Variants in FKBP1A observed in about 807,000 individuals in gnomAD.
The protein encoded by FKBP1A is FKBP prolyl isomerase 1A, also known as peptidyl-prolyl cis-trans isomerase FKBP1A.
A neutral mutation model predicts 14.2 loss-of-function variants in FKBP1A; 5 were observed. That is an observed-to-expected ratio of 0.35 (90% CI 0.18 to 0.74). The LOEUF (loss-of-function observed/expected upper bound fraction) is 0.74. Among genes scored for constraint, FKBP1A ranks in the 30% least tolerant of loss-of-function variants. The pLI is 0.56. For synonymous variants in FKBP1A, 42 were observed against 49.1 expected (o/e 0.86, Z 0.60); for missense variants, 53 against 138.8 (o/e 0.38, Z 3.10).
chr20:1,390,754 C>T (rs1167489597), intron 2 of FKBP1A, among the ~76,000 whole-genome samples: 1 of 152,166 alleles, frequency 6.6e-6, no homozygotes, highest in Non-Finnish European at 1.5e-5. Context: ...CAAAGACCCA[C>T]GGGAACAAAG....
chr20:1,370,433 G>A (rs1464238956), intron 4 of FKBP1A: 7 of 972,458 alleles, frequency 7.2e-6, no homozygotes, highest in Non-Finnish European at 8.6e-6. Context: ...AACTCTTAAT[G>A]CCTGGGTTCC....
At chr20:1,390,319 C>T (rs1426150878) in intron 2 of FKBP1A, among the ~76,000 whole-genome samples, 2 of 128,196 alleles carry the variant, frequency 1.6e-5, no homozygotes, top group East Asian at 2.2e-4. Context: ...GAGCCAGATA[C>T]TCAAAAGAAG....
intron 4 of FKBP1A, chr20:1,371,128 TG>T (rs1463754472): frequency 1.9e-5 from 19 of 985,466 alleles, no homozygotes; most frequent in Non-Finnish European, 2.3e-5. Context: ...ACCCAGGCCT[TG>T]GCTGTGACCC....
chr20:1,388,671 G>T (rs1200161870), intron 2 of FKBP1A, among the ~76,000 whole-genome samples: 1 of 147,738 alleles, frequency 6.8e-6, no homozygotes, highest in Non-Finnish European at 1.5e-5. Context: ...ACACACCTGG[G>T]ATACAACCAG....
intron 2 of FKBP1A, among the ~76,000 whole-genome samples, chr20:1,376,296 C>A (rs1452750943): frequency 6.6e-6 from 1 of 152,188 alleles, no homozygotes. Flanking sequence ...TAGGCTGGTT[C>A]CTGAGTTGTC....
At chr20:1,375,244 G>A in intron 3 of FKBP1A, 1 of 572,554 alleles carries the variant, frequency 1.7e-6, no homozygotes, top group Non-Finnish European at 3.1e-6. Context: ...TGCATTAAGT[G>A]AAAAAGTAAA....
chr20:1,372,703 T>A (rs998536673), intron 3 of FKBP1A, among the ~76,000 whole-genome samples: 10 of 152,182 alleles, frequency 6.6e-5, no homozygotes, highest in Admixed American at 3.9e-4. Context: ...TTTTCTGTAT[T>A]TTTTCTATTT....
At chr20:1,380,953 G>A (rs191221774) in intron 2 of FKBP1A, among the ~76,000 whole-genome samples, 192 of 152,210 alleles carry the variant, frequency 1.3e-3, no homozygotes, top group Admixed American at 3.4e-3. Context: ...CCATTATCAA[G>A]CATTAACTCA....
intron 2 of FKBP1A, among the ~76,000 whole-genome samples, chr20:1,382,639 T>G (rs753753366): frequency 6.6e-6 from 1 of 152,214 alleles, no homozygotes; most frequent in Admixed American, 6.5e-5. Context: ...GAGGCCTTCA[T>G]ATTTAGACCT....
intron 2 of FKBP1A, chr20:1,391,699 A>G (rs2089738983): frequency 2.5e-6 from 1 of 398,688 alleles, no homozygotes; most frequent in Admixed American, 4.4e-5. Context: ...TTCGTGAGCA[A>G]CTTGGCCAGA....
intron 4 of FKBP1A, among the ~76,000 whole-genome samples, chr20:1,371,306 CAACA>C (rs1009526191): frequency 7.9e-5 from 12 of 152,194 alleles, no homozygotes; most frequent in African/African-American, 2.9e-4. Context: ...AGGGGAAAAT[CAACA>C]AACAGGGGCT....
At chr20:1,371,594 C>T in intron 4 of FKBP1A, 1 of 513,576 alleles carries the variant, frequency 1.9e-6, no homozygotes, top group Non-Finnish European at 2.5e-6. Context: ...CTCATACCAT[C>T]TAATAGGCAG....
chr20:1,377,221 G>A (rs1405753998), intron 2 of FKBP1A: 5 of 152,234 alleles, frequency 3.3e-5, no homozygotes, highest in East Asian at 1.9e-4. Context: ...AGTAGGATGG[G>A]GAGGCAGAGA....
intron 2 of FKBP1A, among the ~76,000 whole-genome samples, chr20:1,376,012 C>T (rs570308013): frequency 9.8e-5 from 15 of 152,296 alleles, no homozygotes; most frequent in African/African-American, 3.4e-4. Context: ...AAGCAATATT[C>T]CTTCCCAAAA....
At chr20:1,383,207 C>G (rs980255662) in intron 2 of FKBP1A, among the ~76,000 whole-genome samples, 2 of 152,122 alleles carry the variant, frequency 1.3e-5, no homozygotes, top group African/African-American at 4.8e-5. Context: ...CTGAAGAAGG[C>G]ACCTCTACAG....
In FKBP1A at chr20:1,391,329, A is replaced by G. The variant is rs116199677; in HGVS notation, c.85+1505T>C. Among the ~76,000 whole-genome samples, 639 of 152,236 alleles carry G rather than the reference A, an allele frequency of 4.2e-3. 3 individuals are homozygous for G. The highest frequency in any genetic ancestry group is 0.015 in the African/African-American group (611 of 41,552). ...TACTCTCCTCATCCTTCCGATGACA[A>G]ATCACCAAAAGGATGCGCTTTCATC... On this transcript the variant is annotated intron_variant, in intron 2 of 4. Transcript: ENST00000400137.
chr20:1,377,711 C>T (rs1329331715), intron 2 of FKBP1A: 1 of 152,208 alleles, frequency 6.6e-6, no homozygotes, highest in Admixed American at 6.5e-5. Context: ...AGCTATGATT[C>T]TCCATTCCCT....
rs141692546 is a variant in FKBP1A at position 1,382,776 on chromosome 20, T to C, written c.86-7173A>G. Among the ~76,000 whole-genome samples the C allele has an allele frequency of 4.6e-5, 7 of 152,302 alleles. No individual in the cohort carries two copies. The East Asian group carries it at 9.6e-4, about 21-fold the overall frequency. ...TGCTCCAGTTAAAAGCACAAGACCA[T>C]GAAAGAAGCCAAAGCTATGACTGAC... On this transcript the variant is annotated intron_variant, in intron 2 of 4. Transcript: ENST00000400137.
In FKBP1A at chr20:1,370,029, T is replaced by C. The variant is rs2122647685; in HGVS notation, c.*80A>G. On this transcript the variant is annotated 3_prime_UTR_variant, in exon 5 of 5. Transcript: ENST00000400137. ...ACATCAGGAAAAGCTCCATATGGAT[T>C]CATGTGCACATGTCTGGAGGCACCA... The C allele has an allele frequency of 1.3e-6, 2 of 1,550,184 alleles. No individual in the cohort carries two copies. Among genetic ancestry groups the C allele is most frequent in the East Asian group, 4.9e-5 (2 of 40,916 alleles).
Sources: gnomAD v4.1 joint callset for allele counts (sites outside exome capture counted in the v4.1 genomes callset) on GRCh38, gnomAD v4.1.1 for gene constraint, MANE v1.5 for transcripts, NCBI Gene and HGNC (gene_info 2026-07-23, HGNC 2026-07-21) for gene names.